The following XKR9 variants were observed in gnomAD, a reference collection of about 807,000 sequenced individuals.
The protein encoded by XKR9 is XK-related protein 9.
XKR9 carries 32 observed loss-of-function variants against 32.0 expected under a neutral mutation model. The ratio of observed to expected loss-of-function variants is 1.00; its 90% CI spans 0.76 to 1.34. XKR9 has a LOEUF of 1.34. XKR9 is among the 40% of genes most tolerant of loss of function. The pLI is 0.00. For missense variants in XKR9, 546 were observed against 429.7 expected (o/e 1.27, Z -2.39); for synonymous variants, 168 against 143.4 (o/e 1.17, Z -1.22).
At chr8:70,861,843 T>G in the XKR9 span, among the ~76,000 whole-genome samples, 1 of 152,304 alleles carries the variant, frequency 6.6e-6, no homozygotes, top group Admixed American at 6.5e-5. Context: ...AAATTGTTAT[T>G]TTTTGTGGCT....
At chr8:70,985,494 C>T in the XKR9 span, among the ~76,000 whole-genome samples, 1,375 of 152,248 alleles carry the variant, frequency 9.0e-3, 22 homozygotes, top group Middle Eastern at 0.01. Context: ...CATCACAATG[C>T]ACTTTAGATT....
the XKR9 span, among the ~76,000 whole-genome samples, chr8:71,006,610 C>G: frequency 1.3e-5 from 2 of 152,186 alleles, no homozygotes; most frequent in Admixed American, 6.5e-5. Flanking sequence ...TAGAGGGAAT[C>G]AGACTTTGCA....
chr8:70,932,615 G>A, the XKR9 span, among the ~76,000 whole-genome samples: 1 of 152,176 alleles, frequency 6.6e-6, no homozygotes, highest in Non-Finnish European at 1.5e-5. Context: ...TGCTTAAACA[G>A]CAGAAGCTGG....
At chr8:70,993,994 G>A in the XKR9 span, among the ~76,000 whole-genome samples, 1 of 152,188 alleles carries the variant, frequency 6.6e-6, no homozygotes, top group Middle Eastern at 3.4e-3. Context: ...ATATTTTGGG[G>A]TAACATATTT....
At chr8:71,031,745 C>A in the XKR9 span, among the ~76,000 whole-genome samples, 2 of 152,032 alleles carry the variant, frequency 1.3e-5, no homozygotes, top group East Asian at 1.9e-4. Flanking sequence ...GATTTTGTTT[C>A]AAAATAAAAA....
chr8:70,767,492 C>CTTT, intron 2 of XKR9, among the ~76,000 whole-genome samples: 1 of 122,602 alleles, frequency 8.2e-6, no homozygotes, highest in Non-Finnish European at 1.8e-5. Flanking sequence ...TCTCTCTTTT[C>CTTT]CTTCTTTTTT....
chr8:70,732,069 A>G (rs1200808493), intron 4 of XKR9, among the ~76,000 whole-genome samples: 1 of 152,176 alleles, frequency 6.6e-6, no homozygotes, highest in Non-Finnish European at 1.5e-5. Context: ...CTGAACTGAG[A>G]CAGACACCCC....
chr8:70,923,640 T>C, the XKR9 span, among the ~76,000 whole-genome samples: 1 of 152,244 alleles, frequency 6.6e-6, no homozygotes, highest in African/African-American at 2.4e-5. Flanking sequence ...CTGCTGTTTC[T>C]TTCCACACTG....
chr8:70,858,664 G>A, the XKR9 span, among the ~76,000 whole-genome samples: 1 of 151,968 alleles, frequency 6.6e-6, no homozygotes, highest in East Asian at 1.9e-4. Context: ...AACAGACATA[G>A]ACCAATGGAA....
chr8:70,853,036 A>G, the XKR9 span, among the ~76,000 whole-genome samples: 1 of 152,160 alleles, frequency 6.6e-6, no homozygotes, highest in Non-Finnish European at 1.5e-5. Context: ...AATGTGGTAC[A>G]TATACACAAT....
chr8:70,923,998 A>G, the XKR9 span, among the ~76,000 whole-genome samples: 1 of 152,280 alleles, frequency 6.6e-6, no homozygotes, highest in Non-Finnish European at 1.5e-5. Flanking sequence ...ATGTTGGTGA[A>G]CTGGTTCTCT....
the XKR9 span, among the ~76,000 whole-genome samples, chr8:71,020,468 G>C: frequency 6.6e-6 from 1 of 152,168 alleles, no homozygotes; most frequent in Non-Finnish European, 1.5e-5. Context: ...TTCATGTACT[G>C]TGATGACAAT....
At chr8:70,793,141 G>A (rs1807785435), downstream of XKR9, among the ~76,000 whole-genome samples, 1 of 151,956 alleles carries the variant, frequency 6.6e-6, no homozygotes, top group South Asian at 2.1e-4. Context: ...TCATTCTTTT[G>A]AATATAGATA....
the XKR9 span, among the ~76,000 whole-genome samples, chr8:71,026,499 A>G: frequency 1.3e-5 from 2 of 152,324 alleles, no homozygotes; most frequent in South Asian, 4.1e-4. Context: ...ATGTTATGAT[A>G]GAAGAAAGTA....
chr8:70,673,745 A>G (rs1818793833), intron 1 of XKR9, among the ~76,000 whole-genome samples: 1 of 151,986 alleles, frequency 6.6e-6, no homozygotes, highest in Non-Finnish European at 1.5e-5. Context: ...AGCCTGAGTG[A>G]CAGAGTGAGA....
the XKR9 span, among the ~76,000 whole-genome samples, chr8:70,904,845 G>A: frequency 6.6e-6 from 1 of 152,102 alleles, no homozygotes; most frequent in African/African-American, 2.4e-5. Flanking sequence ...GCAGTTATTT[G>A]TCTGTAAAGG....
At chr8:70,679,995 C>A (rs1381826442) in intron 2 of XKR9, among the ~76,000 whole-genome samples, 1 of 151,664 alleles carries the variant, frequency 6.6e-6, no homozygotes, top group African/African-American at 2.4e-5. Flanking sequence ...CAGTACAGGT[C>A]TGTTGTAAAA....
At chr8:70,951,587 C>T in the XKR9 span, among the ~76,000 whole-genome samples, 2 of 152,202 alleles carry the variant, frequency 1.3e-5, no homozygotes, top group Non-Finnish European at 2.9e-5. Context: ...TATTTGAGGA[C>T]ACTGTATTCA....
the XKR9 span, among the ~76,000 whole-genome samples, chr8:70,967,470 T>C: frequency 6.6e-6 from 1 of 152,200 alleles, no homozygotes; most frequent in Admixed American, 6.5e-5. Context: ...GATACGATCC[T>C]GTCATGATGA....
Sources: allele counts gnomAD v4.1 joint callset (sites outside exome capture counted in the v4.1 genomes callset), GRCh38; gene constraint gnomAD v4.1.1; transcripts MANE v1.5; gene names NCBI Gene and HGNC (gene_info 2026-07-23, HGNC 2026-07-21).